Variants in IPCEF1 observed in about 807,000 individuals in gnomAD.
IPCEF1 encodes the protein interaction protein for cytohesin exchange factors 1.
IPCEF1 carries 31 observed loss-of-function variants against 50.9 expected under a neutral mutation model. The ratio of observed to expected loss-of-function variants is 0.61; its 90% CI spans 0.46 to 0.82. IPCEF1 has a LOEUF of 0.82. Among genes scored for constraint, IPCEF1 ranks in the 40% least tolerant of loss-of-function variants. The pLI is 0.00. For synonymous variants in IPCEF1, 181 were observed against 192.0 expected (o/e 0.94, Z 0.47); for missense variants, 458 against 514.0 (o/e 0.89, Z 1.05).
intron 3 of IPCEF1, among the ~76,000 whole-genome samples, chr6:154,253,847 T>G (rs1027711076): frequency 1.3e-5 from 2 of 152,186 alleles, no homozygotes; most frequent in African/African-American, 4.8e-5. Context: ...TTTTTCTCTT[T>G]CATTAATGTC....
intron 1 of IPCEF1, among the ~76,000 whole-genome samples, chr6:154,318,223 C>T (rs190653475): frequency 5.9e-5 from 9 of 152,092 alleles, no homozygotes; most frequent in South Asian, 2.1e-4. Flanking sequence ...TGGAGCAAGA[C>T]GGGAAAAATT....
At chr6:154,188,124 T>C (rs1801544775) in intron 10 of IPCEF1, among the ~76,000 whole-genome samples, 1 of 152,208 alleles carries the variant, frequency 6.6e-6, no homozygotes, top group South Asian at 2.1e-4. Context: ...AAATTTAGGA[T>C]AAATTACTAG....
At chr6:154,250,691 T>C (rs1184183641) in intron 3 of IPCEF1, among the ~76,000 whole-genome samples, 5 of 152,246 alleles carry the variant, frequency 3.3e-5, no homozygotes, top group Admixed American at 3.3e-4. Flanking sequence ...ATCCATATAG[T>C]AGTTGTTAAA....
chr6:154,348,912 G>C (rs1784077722), intron 1 of IPCEF1, among the ~76,000 whole-genome samples: 1 of 152,136 alleles, frequency 6.6e-6, no homozygotes, highest in South Asian at 2.1e-4. Flanking sequence ...GTGTGCTGTA[G>C]TCTGAGCTAT....
intron 5 of IPCEF1, among the ~76,000 whole-genome samples, chr6:154,241,193 G>A (rs1408511332): frequency 2.8e-5 from 4 of 141,914 alleles, no homozygotes; most frequent in Non-Finnish European, 6.0e-5. Flanking sequence ...CCGAGATCGC[G>A]CCACTGCACT....
rs546875713 is a variant in IPCEF1, at chr6:154,345,978, G to A, written c.-62+10694C>T. Among the ~76,000 whole-genome samples the A allele has an allele frequency of 4.6e-5, 7 of 152,052 alleles. No individual in the cohort carries two copies. In the South Asian group the frequency reaches 6.2e-4, roughly 14 times the overall value. ...CCTCCCAGGCTCAAGCAATCTTCCC[G>A]CTTCAGCCTCCCAAGTAGCTGAAAC... On this transcript the variant is annotated intron_variant, in intron 1 of 11. Transcript: ENST00000367220.
chr6:154,344,738 T>C lies in IPCEF1; in HGVS notation c.-62+11934A>G, dbSNP rs567897175. 6.6e-5 allele frequency among the ~76,000 whole-genome samples: 10 copies of C among 152,346 alleles called. No individual in the cohort carries two copies. The South Asian group carries it at 8.3e-4, about 13-fold the overall frequency. ...TCTCTTCTCCCCCAACCTGAAACTT[T>C]GCCCTTTTTTTCTCAACAGAACAGA... On this transcript the variant is annotated intron_variant, in intron 1 of 11. Transcript: ENST00000367220.
At chr6:154,228,947 C>T (rs988996235) in intron 5 of IPCEF1, among the ~76,000 whole-genome samples, 1 of 152,198 alleles carries the variant, frequency 6.6e-6, no homozygotes, top group African/African-American at 2.4e-5. Flanking sequence ...GGCAGGTTGC[C>T]TCCTGCTCCC....
intron 2 of IPCEF1, among the ~76,000 whole-genome samples, chr6:154,273,855 G>A (rs1402204846): frequency 3.4e-5 from 5 of 145,552 alleles, no homozygotes; most frequent in African/African-American, 1.0e-4. Flanking sequence ...CCGGGTTCAC[G>A]GCATTCTCCT....
intron 1 of IPCEF1, among the ~76,000 whole-genome samples, chr6:154,331,048 C>G (rs1203867459): frequency 6.6e-6 from 1 of 152,038 alleles, no homozygotes; most frequent in East Asian, 1.9e-4. Flanking sequence ...GGGTGGATCA[C>G]TTGAGATCAG....
At chr6:154,264,269 T>A (rs1272528887) in intron 3 of IPCEF1, among the ~76,000 whole-genome samples, 1 of 152,094 alleles carries the variant, frequency 6.6e-6, no homozygotes, top group East Asian at 1.9e-4. Context: ...CATTTGTTGG[T>A]CACTCTCCAT....
chr6:154,265,337 G>A (rs1781727647), intron 3 of IPCEF1, among the ~76,000 whole-genome samples: 1 of 151,686 alleles, frequency 6.6e-6, no homozygotes, highest in African/African-American at 2.4e-5. Context: ...CTGGAGTGCA[G>A]TGGCGCGATC....
chr6:154,252,527 T>C (rs1416471691), intron 3 of IPCEF1, among the ~76,000 whole-genome samples: 2 of 151,836 alleles, frequency 1.3e-5, no homozygotes, highest in East Asian at 3.9e-4. Flanking sequence ...ATACAAAAAT[T>C]AGCTGGGCGT....
In IPCEF1 at chr6:154,208,317, C is replaced by T. The variant is rs1171002237; in HGVS notation, c.537+4453G>A. Among the ~76,000 whole-genome samples the T allele has an allele frequency of 4.6e-5, 7 of 152,292 alleles. No individual in the cohort carries two copies. In the East Asian group the frequency reaches 1.4e-3, roughly 29 times the overall value. On this transcript the variant is annotated intron_variant, in intron 9 of 11. Transcript: ENST00000367220. Reference sequence around the variant, plus strand: ...CTCACTGTTCCCTTTGCTTGGAAAACTTTTCCCCCAAATATCCACTTGGCT... The same window carrying T: ...CTCACTGTTCCCTTTGCTTGGAAAATTTTTCCCCCAAATATCCACTTGGCT...
Position 154,331,370 on chromosome 6 carries a change from G to GAAA in IPCEF1, c.-62+25301_-62+25302insTTT, listed in dbSNP as rs149419612. 6.6e-4 allele frequency among the ~76,000 whole-genome samples: 74 copies of GAAA among 111,980 alleles called. 1 individual carries two copies. The highest frequency in any genetic ancestry group is 1.3e-3 in the South Asian group (4 of 3,030). The allele number at this position is 111,980 out of a possible 152,430, so 73.5% of individuals were successfully genotyped here. On this transcript the variant is annotated intron_variant, in intron 1 of 11. Transcript: ENST00000367220. ...GGGGAAGGAAAGAGAAAGAAAGAAA[G>GAAA]GAAAGAAAGAAAGAAAGAAAGAAAG...
intron 11 of IPCEF1, among the ~76,000 whole-genome samples, chr6:154,165,429 G>C (rs1203192101): frequency 2.0e-5 from 3 of 152,182 alleles, no homozygotes; most frequent in Non-Finnish European, 2.9e-5. Flanking sequence ...CCTTTGAATA[G>C]GTTGATGCAC....
In IPCEF1 at chr6:154,327,615, G is replaced by C. The variant is rs539383006; in HGVS notation, c.-62+29057C>G. 2.6e-5 allele frequency among the ~76,000 whole-genome samples: 4 copies of C among 152,310 alleles called. No individual in the cohort carries two copies. In the East Asian group the frequency reaches 7.7e-4, roughly 29 times the overall value. Reference sequence around the variant, plus strand: ...TGAGAAAAAGGAACACTTTTACACTGTTGGTGGGAATGTAAATTAGTTCAA... The same window carrying C: ...TGAGAAAAAGGAACACTTTTACACTCTTGGTGGGAATGTAAATTAGTTCAA... On this transcript the variant is annotated intron_variant, in intron 1 of 11. Transcript: ENST00000367220.
At chr6:154,189,032 T>G (rs1335916896) in intron 10 of IPCEF1, among the ~76,000 whole-genome samples, 1 of 151,952 alleles carries the variant, frequency 6.6e-6, no homozygotes, top group Non-Finnish European at 1.5e-5. Flanking sequence ...ACAAGAAAAG[T>G]GAAGTAAAAA....
chr6:154,204,520 T>C (rs368247268), intron 9 of IPCEF1, among the ~76,000 whole-genome samples: 3 of 152,322 alleles, frequency 2.0e-5, no homozygotes, highest in Middle Eastern at 3.4e-3. Flanking sequence ...TTCTCCTATA[T>C]GCCAGGAGAA....
Sources: allele counts gnomAD v4.1 joint callset (sites outside exome capture counted in the v4.1 genomes callset), GRCh38; gene constraint gnomAD v4.1.1; transcripts MANE v1.5; gene names NCBI Gene and HGNC (gene_info 2026-07-23, HGNC 2026-07-21).